Variants in PARD6G observed in about 807,000 individuals in gnomAD.
PARD6G encodes the protein par-6 family cell polarity regulator gamma.
PARD6G carries 7 observed loss-of-function variants against 10.7 expected under a neutral mutation model. That is an observed-to-expected ratio of 0.66 (90% CI 0.37 to 1.23). The LOEUF (loss-of-function observed/expected upper bound fraction) is 1.23, where lower values mean the gene tolerates loss of function less well. PARD6G is among the 50% of genes most tolerant of loss of function. The pLI is 0.02. For missense variants in PARD6G, 548 were observed against 571.8 expected, an observed-to-expected ratio of 0.96 and a Z score of 0.42; for synonymous variants, 287 against 269.4, an observed-to-expected ratio of 1.07 and a Z score of -0.64.
rs2052701281 is a variant in PARD6G, at chr18:80,161,615, GACAC to G, written c.296-1013_296-1010del. On this transcript the variant is annotated intron_variant, in intron 2 of 2. Transcript: ENST00000353265. This position sits in a 1 kb window ranked among gnomAD's most constrained non-coding sequence, Gnocchi z 4.6. ...TTTTTATATGAAACCTCTTGTTCTTGACACACACGACTCTGTAAGACAGGCGTCT... is the reference window on the plus strand; with the variant it reads ...TTTTTATATGAAACCTCTTGTTCTTGACACGACTCTGTAAGACAGGCGTCT... 1 of 152,052 alleles carries G rather than the reference GACAC, an allele frequency of 6.6e-6. No individual in the cohort carries two copies. Among genetic ancestry groups the G allele is most frequent in the African/African-American group, 2.4e-5 (1 of 41,374 alleles). The allele number at this position is 152,052 out of a possible 1,614,324, so 9.4% of individuals were successfully genotyped here.
intron 1 of PARD6G, among the ~76,000 whole-genome samples, chr18:80,227,366 T>C (rs1967303041): frequency 6.6e-6 from 1 of 152,194 alleles, no homozygotes; most frequent in Non-Finnish European, 1.5e-5. Context: ...ATGTGTTCCA[T>C]GTCCCTTATA....
rs1240934494 is a variant in PARD6G at position 80,247,438 on chromosome 18, C to A, written c.-90G>T. On this transcript the variant is annotated 5_prime_UTR_variant, in exon 1 of 3. Coordinates refer to ENST00000353265, the MANE Select transcript of PARD6G (RefSeq NM_032510.4). This position sits in a 1 kb window ranked among gnomAD's most constrained non-coding sequence, Gnocchi z 4.2. ...GGGCGGCGCCCCCAGGCCCCGGCCC[C>A]GGCCCCGGCCCGCGCTCGCTTGGCC... 9.4e-6 allele frequency: 9 copies of A among 953,462 alleles called. No individual in the cohort carries two copies. The highest frequency in any genetic ancestry group is 1.2e-5 in the Non-Finnish European group (9 of 724,210). The allele number at this position is 953,462 out of a possible 1,614,324, so 59.1% of individuals were successfully genotyped here. A position where few individuals can be genotyped will look rare whatever the true frequency, so the allele number is the denominator to read the frequency against.
At chr18:80,186,472 G>A (rs1187983613) in intron 2 of PARD6G, among the ~76,000 whole-genome samples, 17 of 103,500 alleles carry the variant, frequency 1.6e-4, no homozygotes, top group South Asian at 9.5e-4. Context: ...CTCAAGGCTC[G>A]CACACCCTCA....
intron 1 of PARD6G, among the ~76,000 whole-genome samples, chr18:80,212,810 G>A (rs181497428): frequency 2.4e-3 from 368 of 152,132 alleles, no homozygotes; most frequent in African/African-American, 8.5e-3. Flanking sequence ...ACTTGAACCC[G>A]GGAGGCAGAG....
rs1239981642 is a variant in PARD6G at position 80,246,578 on chromosome 18, TG to T, written c.72+698del. 6.6e-5 allele frequency among the ~76,000 whole-genome samples: 3 copies of T among 45,626 alleles called. No homozygotes were observed. Among genetic ancestry groups the T allele is most frequent in the Non-Finnish European group, 8.8e-5 (2 of 22,774 alleles). The allele number at this position is 45,626 out of a possible 152,430, so 29.9% of individuals were successfully genotyped here. On this transcript the variant is annotated intron_variant, in intron 1 of 2. Transcript: ENST00000353265. The surrounding 1 kb of genome is among the most constrained non-coding windows in gnomAD (Gnocchi z 6.7). ...CGCGCCCGGGGGAGTGGGCTGGGTC[TG>T]GGGCGGGGGCGCGTCCGGAGGTGGG...
At chr18:80,185,018 G>A (rs1244315086) in intron 2 of PARD6G, 1 of 152,274 alleles carries the variant, frequency 6.6e-6, no homozygotes, top group South Asian at 2.1e-4. Context: ...ACCCTCCTAG[G>A]TGTTGCAACC....
At chr18:80,179,786 T>G (rs2052838593) in intron 2 of PARD6G, among the ~76,000 whole-genome samples, 1 of 152,084 alleles carries the variant, frequency 6.6e-6, no homozygotes, top group Non-Finnish European at 1.5e-5. Flanking sequence ...CCACACGGAG[T>G]CCAAGAGCAA....
At chr18:80,236,269 G>C (rs1006972697) in intron 1 of PARD6G, among the ~76,000 whole-genome samples, 2 of 152,166 alleles carry the variant, frequency 1.3e-5, no homozygotes, top group Non-Finnish European at 2.9e-5. Context: ...TATCTCAACA[G>C]ATGCAGAAAA....
chr18:80,195,556 T>TAC (rs1568434474), intron 2 of PARD6G, among the ~76,000 whole-genome samples: 29 of 101,314 alleles, frequency 2.9e-4, no homozygotes, highest in Non-Finnish European at 3.8e-5. Context: ...TACATATATA[T>TAC]ATATATATAT....
chr18:80,233,890 C>A (rs191868516), intron 1 of PARD6G, among the ~76,000 whole-genome samples: 3 of 152,276 alleles, frequency 2.0e-5, no homozygotes, highest in African/African-American at 7.2e-5. Flanking sequence ...ATAAATGCAC[C>A]CATTCAGCAG....
At chr18:80,169,962 C>T (rs961630555) in intron 2 of PARD6G, 1 of 152,252 alleles carries the variant, frequency 6.6e-6, no homozygotes, top group Non-Finnish European at 1.5e-5. Flanking sequence ...CGTCTCCGTC[C>T]CTCGATGACG....
intron 1 of PARD6G, among the ~76,000 whole-genome samples, chr18:80,244,212 C>T (rs546444613): frequency 9.9e-5 from 15 of 152,122 alleles, no homozygotes; most frequent in Admixed American, 3.3e-4. Flanking sequence ...TCCCTCCCCA[C>T]GGCAGGTCCT....
In PARD6G at chr18:80,246,915, CT is replaced by C. The variant is rs1221001294; in HGVS notation, c.72+361del. Among the ~76,000 whole-genome samples the C allele has an allele frequency of 6.6e-6, 1 of 152,124 alleles. No individual in the cohort carries two copies. The highest frequency in any genetic ancestry group is 1.5e-5 in the Non-Finnish European group (1 of 67,986). The stretch of plus-strand genomic sequence containing the variant: ...CCACGGCCCCGAATCCGAGCAGCCC[CT>C]GGCCCTCAACTCGCCCCGGAAAGGC... On this transcript the variant is annotated intron_variant, in intron 1 of 2. Coordinates refer to ENST00000353265, the MANE Select transcript of PARD6G (RefSeq NM_032510.4). The surrounding 1 kb of genome is among the most constrained non-coding windows in gnomAD (Gnocchi z 6.7).
chr18:80,206,499 G>T (rs1210353248), intron 1 of PARD6G, among the ~76,000 whole-genome samples: 1 of 152,148 alleles, frequency 6.6e-6, no homozygotes, highest in Non-Finnish European at 1.5e-5. Context: ...AATAAACCTT[G>T]CAAGTCAAGT....
intron 1 of PARD6G, among the ~76,000 whole-genome samples, chr18:80,237,656 A>G (rs1967439380): frequency 6.6e-6 from 1 of 152,236 alleles, no homozygotes; most frequent in Non-Finnish European, 1.5e-5. Flanking sequence ...ATTTACAAGA[A>G]AAAAACAACC....
chr18:80,224,567 G>T (rs1365354744), intron 1 of PARD6G, among the ~76,000 whole-genome samples: 1 of 152,188 alleles, frequency 6.6e-6, no homozygotes, highest in Non-Finnish European at 1.5e-5. Flanking sequence ...ACCGTCCAAG[G>T]CCGGGTGCGG....
At position 80,182,881 on chromosome 18, in the gene PARD6G, G is replaced by A. The variant is rs2052855104; in HGVS notation, c.295+19829C>T. 1 of 519,850 alleles carries A rather than the reference G, an allele frequency of 1.9e-6. No individual in the cohort carries two copies. Among genetic ancestry groups the A allele is most frequent in the Non-Finnish European group, 3.4e-6 (1 of 293,206 alleles). 32.2% of individuals were successfully genotyped at this position (519,850 alleles called of 1,614,324 possible). A position where few individuals can be genotyped will look rare whatever the true frequency, so the allele number is the denominator to read the frequency against. ...TCTGATGTTATAGTTTTATTTCTTA[G>A]TTCTAGGTACAGGGCTAGATGTTTG... is the stretch of plus-strand genomic sequence containing the variant. On this transcript the variant is annotated intron_variant, in intron 2 of 2. Coordinates refer to ENST00000353265, the MANE Select transcript of PARD6G (RefSeq NM_032510.4). This position sits in a 1 kb window ranked among gnomAD's most constrained non-coding sequence, Gnocchi z 4.5.
At chr18:80,177,730 G>A (rs759945849) in intron 2 of PARD6G, among the ~76,000 whole-genome samples, 1 of 149,058 alleles carries the variant, frequency 6.7e-6, no homozygotes, top group Non-Finnish European at 1.5e-5. Context: ...CACGCACACA[G>A]GATAAATCAC....
intron 1 of PARD6G, among the ~76,000 whole-genome samples, chr18:80,233,692 T>C (rs978867434): frequency 1.3e-5 from 2 of 151,962 alleles, no homozygotes; most frequent in African/African-American, 4.8e-5. Flanking sequence ...TTCACAGCCT[T>C]AACCAGGAAC....
Sources: gnomAD v4.1 joint callset for allele counts (sites outside exome capture counted in the v4.1 genomes callset) on GRCh38, gnomAD v4.1.1 for gene constraint, Gnocchi (gnomAD v3.1) non-coding constraint, MANE v1.5 for transcripts, NCBI Gene and HGNC (gene_info 2026-07-23, HGNC 2026-07-21) for gene names.